Variants in SLC24A4 observed in about 807,000 individuals in gnomAD.
SLC24A4 encodes the protein solute carrier family 24 member 4.
In SLC24A4, 53 loss-of-function variants were observed where a neutral mutation model predicts 79.0. That is an observed-to-expected ratio of 0.67 (90% CI 0.54 to 0.84). The LOEUF (loss-of-function observed/expected upper bound fraction) is 0.84. Among genes scored for constraint, SLC24A4 ranks in the 40% least tolerant of loss-of-function variants. The pLI, the probability that SLC24A4 is intolerant of heterozygous loss-of-function variation, is 0.00. For missense variants in SLC24A4, 731 were observed against 822.0 expected, an observed-to-expected ratio of 0.89 and a Z score of 1.35; for synonymous variants, 323 against 323.8, an observed-to-expected ratio of 1.00 and a Z score of 0.03.
chr14:92,367,106 A>G (rs1887889942), intron 2 of SLC24A4, among the ~76,000 whole-genome samples: 1 of 152,116 alleles, frequency 6.6e-6, no homozygotes, highest in Non-Finnish European at 1.5e-5. Context: ...TCATCACTTT[A>G]CCACCTTCTG....
chr14:92,342,497 C>G (rs1449741268), intron 2 of SLC24A4, among the ~76,000 whole-genome samples: 1 of 152,086 alleles, frequency 6.6e-6, no homozygotes, highest in African/African-American at 2.4e-5. Context: ...GATTCTCCTG[C>G]CTCAGCCTCC....
At chr14:92,440,894 G>A (rs1001970559) in intron 4 of SLC24A4, among the ~76,000 whole-genome samples, 4 of 151,924 alleles carry the variant, frequency 2.6e-5, no homozygotes, top group Non-Finnish European at 5.9e-5. Flanking sequence ...ATCCCAGGCG[G>A]AAGGAATGGC....
chr14:92,467,018 C>T (rs191595760), intron 12 of SLC24A4, among the ~76,000 whole-genome samples: 1 of 152,326 alleles, frequency 6.6e-6, no homozygotes, highest in Non-Finnish European at 1.5e-5. Context: ...GGTGGTCATT[C>T]ATAATCCAGC....
At chr14:92,392,478 G>A (rs1178296056) in intron 2 of SLC24A4, among the ~76,000 whole-genome samples, 1 of 152,002 alleles carries the variant, frequency 6.6e-6, no homozygotes, top group African/African-American at 2.4e-5. Flanking sequence ...TCTCCTCGAG[G>A]TATGTATCGG....
intron 2 of SLC24A4, among the ~76,000 whole-genome samples, chr14:92,384,456 G>A (rs1386198408): frequency 6.6e-6 from 1 of 151,860 alleles, no homozygotes; most frequent in Non-Finnish European, 1.5e-5. Flanking sequence ...GTGTGTGCAT[G>A]GGGGCCTGCT....
rs781608925 is a variant in SLC24A4 at position 92,493,559 on chromosome 14, C to T, written c.1800C>T (p.Cys600=). The T allele has an allele frequency of 1.9e-6, 3 of 1,614,234 alleles. 1 individual carries two copies. Among genetic ancestry groups the T allele is most frequent in the Non-Finnish European group, 2.5e-6 (3 of 1,180,030 alleles). ...TGGTTCTCTACGCCATCTTCTTGTG[C>T]TTCTCCATAATGATAGAGTTTAACG... is the stretch of plus-strand genomic sequence containing the variant. ...YVLVLYAIFL[C]FSIMIEFNVF... The change falls in exon 17 of 17, where the codon TGC becomes TGT. Residue 600 remains cysteine, a synonymous_variant. Coordinates refer to ENST00000532405, the MANE Select transcript of SLC24A4 (RefSeq NM_153646.4).
chr14:92,424,803 G>A (rs1891479632), intron 2 of SLC24A4, among the ~76,000 whole-genome samples: 1 of 152,104 alleles, frequency 6.6e-6, no homozygotes, highest in African/African-American at 2.4e-5. Flanking sequence ...GATCGTTTGA[G>A]CCTAGGAGGT....
Position 92,323,813 on chromosome 14 carries a change from G to T in SLC24A4, c.-18G>T, listed in dbSNP as rs1354687530. 1.3e-6 allele frequency: 2 copies of T among 1,552,968 alleles called. No individual in the cohort carries two copies. Among genetic ancestry groups the T allele is most frequent in the East Asian group, 2.3e-5 (1 of 42,722 alleles). ...AGCTCCCCATCCTCTCCCAGAGACGGCACCCAGGCGCTCCGGGATGGCGCT... is the reference window on the plus strand; with the variant it reads ...AGCTCCCCATCCTCTCCCAGAGACGTCACCCAGGCGCTCCGGGATGGCGCT... On this transcript the variant is annotated 5_prime_UTR_variant, in exon 1 of 17. Coordinates refer to ENST00000532405, the MANE Select transcript of SLC24A4 (RefSeq NM_153646.4). This position sits in a 1 kb window ranked among gnomAD's most constrained non-coding sequence, Gnocchi z 4.9.
intron 13 of SLC24A4, chr14:92,484,071 A>G: frequency 1.0e-6 from 1 of 985,356 alleles, no homozygotes; most frequent in Non-Finnish European, 1.2e-6. Context: ...GGGGGTGATC[A>G]TCACTCTCTT....
At chr14:92,377,128 C>A (rs547702280) in intron 2 of SLC24A4, among the ~76,000 whole-genome samples, 16 of 152,316 alleles carry the variant, frequency 1.1e-4, no homozygotes, top group Admixed American at 6.5e-4. Context: ...AGTAACCTCT[C>A]CAGGGACCCC....
At chr14:92,450,382 G>C (rs1455774350) in intron 10 of SLC24A4, 1 of 127,484 alleles carries the variant, frequency 7.8e-6, no homozygotes. Flanking sequence ...CCAAGAGGGA[G>C]GAGTCTCTCC....
chr14:92,356,209 G>A (rs1037503584), intron 2 of SLC24A4, among the ~76,000 whole-genome samples: 2 of 152,138 alleles, frequency 1.3e-5, no homozygotes, highest in Admixed American at 6.5e-5. Context: ...AGGATGTTCC[G>A]TAGATTGGGT....
At chr14:92,456,758 G>A in intron 12 of SLC24A4, 150 bp downstream of exon 12, 6 of 822,582 alleles carry the variant, frequency 7.3e-6, no homozygotes, top group Non-Finnish European at 1.1e-5. Context: ...ATGCTTAGGA[G>A]GCGAATCTGT....
At chr14:92,324,369 C>T (rs906975676) in intron 1 of SLC24A4, among the ~76,000 whole-genome samples, 1 of 152,202 alleles carries the variant, frequency 6.6e-6, no homozygotes, top group East Asian at 1.9e-4. Context: ...CTGCGTCTCG[C>T]CCCTGCCCTG....
At chr14:92,375,737 G>A (rs1169813322) in intron 2 of SLC24A4, among the ~76,000 whole-genome samples, 1 of 152,226 alleles carries the variant, frequency 6.6e-6, no homozygotes, top group East Asian at 1.9e-4. Flanking sequence ...TAATTTCTAT[G>A]AAATGCCCAG....
chr14:92,458,767 C>T lies in SLC24A4; in HGVS notation c.1255+2159C>T, dbSNP rs145475825. 3.3e-3 allele frequency among the ~76,000 whole-genome samples: 497 copies of T among 152,322 alleles called. 1 individual carries two copies. Among genetic ancestry groups the T allele is most frequent in the African/African-American group, 0.011 (444 of 41,576 alleles). Reference sequence around the variant, plus strand: ...TTATCGCACCCCCAGCTCACTTTCCCTCCTGTGTCCACGTGGGGCTGGGGA... The same window carrying T: ...TTATCGCACCCCCAGCTCACTTTCCTTCCTGTGTCCACGTGGGGCTGGGGA... On this transcript the variant is annotated intron_variant, in intron 12 of 16. Coordinates refer to ENST00000532405, the MANE Select transcript of SLC24A4 (RefSeq NM_153646.4).
intron 3 of SLC24A4, among the ~76,000 whole-genome samples, chr14:92,438,399 T>C (rs2139801641): frequency 6.6e-6 from 1 of 151,230 alleles, no homozygotes; most frequent in African/African-American, 2.4e-5. Flanking sequence ...AGTCCAGGAG[T>C]TCAAAACCAG....
intron 2 of SLC24A4, among the ~76,000 whole-genome samples, chr14:92,375,393 G>A (rs1008901915): frequency 6.6e-6 from 1 of 152,242 alleles, no homozygotes; most frequent in Non-Finnish European, 1.5e-5. Flanking sequence ...GAACAGTTTG[G>A]AGGTTCCTTA....
chr14:92,371,253 A>G (rs185555461), intron 2 of SLC24A4, among the ~76,000 whole-genome samples: 19 of 152,340 alleles, frequency 1.2e-4, no homozygotes, highest in Admixed American at 1.2e-3. Flanking sequence ...GGGTCCCAAT[A>G]AAAACAGTGG....
Sources: gnomAD v4.1 joint callset for allele counts (sites outside exome capture counted in the v4.1 genomes callset) on GRCh38, gnomAD v4.1.1 for gene constraint, Gnocchi (gnomAD v3.1) non-coding constraint, MANE v1.5 for transcripts, NCBI Gene and HGNC (gene_info 2026-07-23, HGNC 2026-07-21) for gene names.